Variants in HS6ST3 observed in about 807,000 individuals in gnomAD.
HS6ST3 encodes heparan sulfate 6-O-sulfotransferase 3.
A neutral mutation model predicts 36.7 loss-of-function variants in HS6ST3; 12 were observed. The observed-to-expected ratio is 0.33, with a 90% CI of 0.21 to 0.53. The LOEUF is 0.53. Among genes scored for constraint, HS6ST3 ranks in the 20% least tolerant of loss-of-function variants. The probability of loss-of-function intolerance (pLI) is 0.95; values close to 1 mark genes in which losing one functional copy is unlikely to be tolerated. For synonymous variants in HS6ST3, 240 were observed against 257.5 expected, an observed-to-expected ratio of 0.93 and a Z score of 0.65; for missense variants, 584 against 640.9, an observed-to-expected ratio of 0.91 and a Z score of 0.96.
At chr13:96,371,787 ATTCCCTTC>A (rs2055291334) in intron 1 of HS6ST3, among the ~76,000 whole-genome samples, 1 of 152,096 alleles carries the variant, frequency 6.6e-6, no homozygotes, top group Non-Finnish European at 1.5e-5. Flanking sequence ...AAATGGCAGG[ATTCCCTTC>A]TTAGTTTTTT....
At chr13:96,823,559 A>AAT (rs779511109) in intron 1 of HS6ST3, among the ~76,000 whole-genome samples, 33 of 152,150 alleles carry the variant, frequency 2.2e-4, no homozygotes, top group Non-Finnish European at 3.2e-4. Context: ...ATAATAATCA[A>AAT]ATATATATAT....
chr13:96,755,387 CAG>C lies in HS6ST3; in HGVS notation c.708-77100_708-77099del, dbSNP rs200090974. ...GTTTTTGTTTTTGTTTTTTTTGAGA[CAG>C]AGTCTCACTCTATCGCCCAGGCTGG... On this transcript the variant is annotated intron_variant, in intron 1 of 1. Coordinates refer to ENST00000376705, the MANE Select transcript of HS6ST3 (RefSeq NM_153456.4). Among the ~76,000 whole-genome samples the C allele has an allele frequency of 5.5e-3, 841 of 151,762 alleles. 7 individuals are homozygous for C. The highest frequency in any genetic ancestry group is 0.02 in the African/African-American group (808 of 41,326).
chr13:96,505,777 CTG>C, intron 1 of HS6ST3, among the ~76,000 whole-genome samples: 1 of 152,220 alleles, frequency 6.6e-6, no homozygotes, highest in Middle Eastern at 3.4e-3. Flanking sequence ...TCAATAAAAA[CTG>C]TATGTCACAT....
At chr13:96,219,277 A>G (rs11617726) in intron 1 of HS6ST3, among the ~76,000 whole-genome samples, 7 of 152,206 alleles carry the variant, frequency 4.6e-5, no homozygotes, top group Non-Finnish European at 7.3e-5. Context: ...GGGAATTGCT[A>G]TATCGAGCTA....
intron 1 of HS6ST3, among the ~76,000 whole-genome samples, chr13:96,806,663 A>C (rs767323554): frequency 7.2e-5 from 11 of 152,192 alleles, no homozygotes; most frequent in Non-Finnish European, 1.5e-4. Flanking sequence ...TCAAATCAGC[A>C]CCAGTAAAGC....
At chr13:96,139,420 A>T (rs2054018192) in intron 1 of HS6ST3, among the ~76,000 whole-genome samples, 1 of 151,962 alleles carries the variant, frequency 6.6e-6, no homozygotes, top group Non-Finnish European at 1.5e-5. Context: ...TGTTATAATG[A>T]ATCCTGTAAT....
intron 1 of HS6ST3, among the ~76,000 whole-genome samples, chr13:96,452,359 C>T (rs1295222295): frequency 6.6e-6 from 1 of 152,114 alleles, no homozygotes; most frequent in Non-Finnish European, 1.5e-5. Flanking sequence ...TTTCTTACTC[C>T]AAGAAATTAC....
chr13:96,498,605 G>A (rs1221068176), intron 1 of HS6ST3, among the ~76,000 whole-genome samples: 1 of 152,052 alleles, frequency 6.6e-6, no homozygotes, highest in Non-Finnish European at 1.5e-5. Flanking sequence ...TTTCTTATGA[G>A]TTCATTGTTA....
intron 1 of HS6ST3, among the ~76,000 whole-genome samples, chr13:96,757,621 C>A (rs1352238758): frequency 1.3e-5 from 2 of 152,010 alleles, no homozygotes. Flanking sequence ...TTTGTAGATA[C>A]GCATTATCCG....
chr13:96,803,501 G>A lies in HS6ST3; in HGVS notation c.708-28989G>A, dbSNP rs866532373. ...GAAATAGAAACCATTAATCCTCACCGTACCCAGAGGGGCAGGTGAGAATGA... is the reference window on the plus strand; with the variant it reads ...GAAATAGAAACCATTAATCCTCACCATACCCAGAGGGGCAGGTGAGAATGA... On this transcript the variant is annotated intron_variant, in intron 1 of 1. Coordinates refer to ENST00000376705, the MANE Select transcript of HS6ST3 (RefSeq NM_153456.4). Among the ~76,000 whole-genome samples the A allele has an allele frequency of 3.9e-5, 6 of 152,270 alleles. No individual in the cohort carries two copies. The Middle Eastern group carries it at 0.01, about 259-fold the overall frequency.
chr13:96,288,381 A>G (rs2139397652), intron 1 of HS6ST3, among the ~76,000 whole-genome samples: 1 of 152,222 alleles, frequency 6.6e-6, no homozygotes, highest in Non-Finnish European at 1.5e-5. Flanking sequence ...TAAAATTTGT[A>G]TTTTGGACTA....
At chr13:96,566,423 A>G (rs908653575) in intron 1 of HS6ST3, among the ~76,000 whole-genome samples, 1 of 152,114 alleles carries the variant, frequency 6.6e-6, no homozygotes, top group Non-Finnish European at 1.5e-5. Context: ...AGACCCAGAA[A>G]AGCTCTTTTT....
Position 96,832,904 on chromosome 13 carries a change from C to T in HS6ST3, c.1122C>T (p.Ser374=). The change falls in exon 2 of 2, where the codon TCC becomes TCT. Residue 374 remains serine (S), a synonymous_variant. Transcript: ENST00000376705. Reference sequence around the variant, plus strand: ...GAACATTCAACCTCAAGTTCATCTCCCCCTTCACACAGTTCAACATCACGC... The same window carrying T: ...GAACATTCAACCTCAAGTTCATCTCTCCCTTCACACAGTTCAACATCACGC... ...FERTFNLKFI[S]PFTQFNITRA... is the part of the protein sequence containing the mutation. 1 of 1,614,186 alleles carries T rather than the reference C, an allele frequency of 6.2e-7. No individual in the cohort carries two copies. Among genetic ancestry groups the T allele is most frequent in the East Asian group, 2.2e-5 (1 of 44,878 alleles).
At chr13:96,116,758 A>C (rs2053896065) in intron 1 of HS6ST3, among the ~76,000 whole-genome samples, 1 of 152,178 alleles carries the variant, frequency 6.6e-6, no homozygotes, top group African/African-American at 2.4e-5. Context: ...TGTTGATGAG[A>C]GAGGAGGACT....
intron 1 of HS6ST3, among the ~76,000 whole-genome samples, chr13:96,404,738 GA>G (rs1208158716): frequency 6.6e-6 from 1 of 152,194 alleles, no homozygotes; most frequent in Non-Finnish European, 1.5e-5. Flanking sequence ...TGAGCTGGGG[GA>G]AATTAGATCA....
At chr13:96,502,681 G>T (rs1162355562) in intron 1 of HS6ST3, among the ~76,000 whole-genome samples, 1 of 152,090 alleles carries the variant, frequency 6.6e-6, no homozygotes, top group African/African-American at 2.4e-5. Flanking sequence ...TGCAACTGGT[G>T]GTCTTCTAAT....
intron 1 of HS6ST3, among the ~76,000 whole-genome samples, chr13:96,800,116 A>G (rs1878032309): frequency 6.7e-6 from 1 of 149,510 alleles, no homozygotes; most frequent in Non-Finnish European, 1.5e-5. Context: ...CATTATTATT[A>G]TTGTTGTTGT....
At chr13:96,531,619 A>AT (rs1181989662) in intron 1 of HS6ST3, among the ~76,000 whole-genome samples, 2 of 152,194 alleles carry the variant, frequency 1.3e-5, no homozygotes, top group African/African-American at 4.8e-5. Flanking sequence ...AGCCATTACC[A>AT]TCTTCATTTC....
chr13:96,264,250 C>T (rs979847553), intron 1 of HS6ST3, among the ~76,000 whole-genome samples: 1 of 152,138 alleles, frequency 6.6e-6, no homozygotes, highest in Non-Finnish European at 1.5e-5. Flanking sequence ...ACTGGCTGTG[C>T]AAATACCAGA....
Sources: gnomAD v4.1 joint callset for allele counts (sites outside exome capture counted in the v4.1 genomes callset) on GRCh38, gnomAD v4.1.1 for gene constraint, MANE v1.5 for transcripts, NCBI Gene and HGNC (gene_info 2026-07-23, HGNC 2026-07-21) for gene names.